The following ZNF608 variants were observed in gnomAD, a reference collection of about 807,000 sequenced individuals.
ZNF608 encodes the protein zinc finger protein 608.
ZNF608 carries 12 observed loss-of-function variants against 109.0 expected under a neutral mutation model. The ratio of observed to expected loss-of-function variants is 0.11; its 90% confidence interval spans 0.07 to 0.18. The LOEUF is 0.18. Ranked by LOEUF, ZNF608 falls within the 10% of genes least tolerant of loss-of-function variation. The pLI is 1.00. For missense variants in ZNF608, 1,707 were observed against 1,879.3 expected, an observed-to-expected ratio of 0.91 and a Z score of 1.70; for synonymous variants, 732 against 717.4, an observed-to-expected ratio of 1.02 and a Z score of -0.33.
intron 2 of ZNF608, among the ~76,000 whole-genome samples, chr5:124,720,086 A>G (rs568624304): frequency 1.3e-5 from 2 of 152,346 alleles, no homozygotes; most frequent in Non-Finnish European, 2.9e-5. Context: ...GGTGCTACTG[A>G]ATTCAACAAA....
chr5:124,744,113 T>C lies in ZNF608; in HGVS notation c.877A>G (p.Arg293Gly), dbSNP rs763563425. 6.2e-7 allele frequency: 1 copy of C among 1,602,160 alleles called. No homozygotes were observed. The highest frequency in any genetic ancestry group is 8.5e-7 in the Non-Finnish European group (1 of 1,174,260). Reference sequence around the variant, plus strand: ...TCAGTTTTCAGTTTCTTGATTCGCCTGTGGCTCTCCTCCTCCTCCTCTTCC... The same window carrying C: ...TCAGTTTTCAGTTTCTTGATTCGCCCGTGGCTCTCCTCCTCCTCCTCTTCC... ...KKEEEEEESH[R>G]RIKKLKTEKV... The change falls in exon 2 of 10, where the codon AGG (arginine) becomes GGG (glycine). Residue 293 changes from arginine (R) to glycine (G), a missense_variant. By Grantham distance (125) the Arg-to-Gly change is moderately radical. Transcript: ENST00000513986. The surrounding 1 kb of genome is among the most constrained non-coding windows in gnomAD (Gnocchi z 4.5).
chr5:124,700,887 G>C lies in ZNF608; in HGVS notation c.1162+127C>G, dbSNP rs1199381263. 5 of 1,275,430 alleles carry C rather than the reference G, an allele frequency of 3.9e-6. No individual in the cohort carries two copies. In the East Asian group the frequency reaches 7.3e-5, roughly 19 times the overall value. The allele number at this position is 1,275,430 out of a possible 1,614,324, so 79.0% of individuals were successfully genotyped here. The stretch of plus-strand genomic sequence containing the variant: ...CTCTTACTTCCAACACAAATCCAGA[G>C]AGCGGAAATAAAAAACACTTTCCAT... On this transcript the variant is annotated intron_variant, in intron 3 of 9. Coordinates refer to ENST00000513986, the MANE Select transcript of ZNF608 (RefSeq NM_020747.3).
At chr5:124,734,518 C>G (rs182165535) in intron 2 of ZNF608, 1 of 152,186 alleles carries the variant, frequency 6.6e-6, no homozygotes, top group African/African-American at 2.4e-5. Flanking sequence ...CACTGGCGTA[C>G]GGAGGGACTG....
intron 3 of ZNF608, among the ~76,000 whole-genome samples, chr5:124,657,910 G>A (rs1283528101): frequency 6.6e-6 from 1 of 152,108 alleles, no homozygotes; most frequent in African/African-American, 2.4e-5. Flanking sequence ...ATTTTGATCA[G>A]TAACAAAAAT....
intron 5 of ZNF608, among the ~76,000 whole-genome samples, chr5:124,645,511 G>A (rs569056815): frequency 2.3e-4 from 35 of 152,134 alleles, no homozygotes; most frequent in Middle Eastern, 3.4e-3. Context: ...TGTGGGTGGC[G>A]GTGGTGGGGG....
In ZNF608 at chr5:124,697,313, A is replaced by C. The variant is rs1002088153; in HGVS notation, c.1162+3701T>G. Among the ~76,000 whole-genome samples, 5 of 151,072 alleles carry C rather than the reference A, an allele frequency of 3.3e-5. No homozygotes were observed. The East Asian group carries it at 9.7e-4, about 29-fold the overall frequency. The stretch of plus-strand genomic sequence containing the variant: ...TAAAGGCTAAAAAGCCAAGTTCAGC[A>C]CATATGTATTTACACATATTGCTAT... On this transcript the variant is annotated intron_variant, in intron 3 of 9. Transcript: ENST00000513986.
intron 3 of ZNF608, among the ~76,000 whole-genome samples, chr5:124,668,740 G>T (rs112453317): frequency 6.6e-6 from 1 of 152,056 alleles, no homozygotes; most frequent in Non-Finnish European, 1.5e-5. Context: ...GGAGCCTTTC[G>T]GGAATTTTGC....
At chr5:124,645,819 T>C (rs902607293) in intron 5 of ZNF608, among the ~76,000 whole-genome samples, 1 of 151,992 alleles carries the variant, frequency 6.6e-6, no homozygotes, top group Non-Finnish European at 1.5e-5. Context: ...TTGGGGTACT[T>C]AATATAGGGA....
rs762179022 is a variant in ZNF608, at chr5:124,647,287, CCTT to C, written c.3094_3096del (p.Lys1032del). 15 of 1,614,106 alleles carry C rather than the reference CCTT, an allele frequency of 9.3e-6. No individual in the cohort carries two copies. The highest frequency in any genetic ancestry group is 1.1e-5 in the Non-Finnish European group (13 of 1,180,046). The stretch of plus-strand genomic sequence containing the variant: ...TTCTTTTCAGCATCTTCCTCAGACT[CCTT>C]CTTGATCTTCATTCCCTGCGTGCTC... On this transcript the variant is annotated inframe_deletion, in exon 5 of 10. Coordinates refer to ENST00000513986, the MANE Select transcript of ZNF608 (RefSeq NM_020747.3).
rs776015091 is a variant in ZNF608, at chr5:124,744,178, G to A, written c.812C>T (p.Pro271Leu). 2.5e-6 allele frequency: 4 copies of A among 1,613,582 alleles called. No homozygotes were observed. In the Admixed American group the frequency reaches 5.0e-5, roughly 20 times the overall value. Reference protein sequence around the residue: ...AAAGEVSKSAPDSGLMGNSML... With the variant: ...AAAGEVSKSALDSGLMGNSML... Reference sequence around the variant, plus strand: ...AGAGTTTCCCATGAGCCCTGAATCCGGGGCACTTTTGCTAACTTCCCCTGC... The same window carrying A: ...AGAGTTTCCCATGAGCCCTGAATCCAGGGCACTTTTGCTAACTTCCCCTGC... Residue 271 changes from proline (P) to leucine (L), a missense_variant, in exon 2 of 10, where the codon CCG becomes CTG. Physicochemically the swap from Pro to Leu is moderately conservative, Grantham distance 98. This residue lies in a region of ZNF608 where 407 missense variants were observed against 398.7 expected (regional missense o/e 1.02). Transcript: ENST00000513986. This position sits in a 1 kb window ranked among gnomAD's most constrained non-coding sequence, Gnocchi z 4.5.
chr5:124,712,583 A>G (rs1186105577), intron 2 of ZNF608, among the ~76,000 whole-genome samples: 1 of 152,154 alleles, frequency 6.6e-6, no homozygotes, highest in African/African-American at 2.4e-5. Flanking sequence ...TGACTAATCT[A>G]TGGAGTGGGG....
At position 124,744,212 on chromosome 5, in the gene ZNF608, C is replaced by G; in HGVS notation, c.778G>C (p.Val260Leu). The G allele has an allele frequency of 6.2e-7, 1 of 1,613,848 alleles. No homozygotes were observed. The highest frequency in any genetic ancestry group is 8.5e-7 in the Non-Finnish European group (1 of 1,180,000). The change falls in exon 2 of 10, where the codon GTC (valine) becomes CTC (leucine). Residue 260 changes from valine to leucine, a missense_variant. By Grantham distance (32) the Val-to-Leu change is conservative. Around this residue, in one of 7 missense-constraint regions of ZNF608, gnomAD observed 407 missense variants for 398.7 expected, o/e 1.02. Transcript: ENST00000513986. This position sits in a 1 kb window ranked among gnomAD's most constrained non-coding sequence, Gnocchi z 4.5. ...TTGCTAACTTCCCCTGCAGCGGCGA[C>G]GCTGCCACTCCCAGTGCCCCCGCAG... Reference protein sequence around the residue: ...FHCGGTGSGSVAAAGEVSKSA... With the variant: ...FHCGGTGSGSLAAAGEVSKSA...
intron 3 of ZNF608, among the ~76,000 whole-genome samples, chr5:124,671,857 C>T (rs552132448): frequency 1.3e-3 from 192 of 151,964 alleles, no homozygotes; most frequent in Non-Finnish European, 1.9e-3. Flanking sequence ...AGGCTGGTAT[C>T]GAACTCCTGG....
intron 2 of ZNF608, among the ~76,000 whole-genome samples, chr5:124,731,429 T>A (rs1279499818): frequency 6.6e-6 from 1 of 150,386 alleles, no homozygotes; most frequent in South Asian, 2.2e-4. Flanking sequence ...GTCAGGCTGG[T>A]CTCGAACTCC....
At chr5:124,687,919 G>A (rs1752467627) in intron 3 of ZNF608, among the ~76,000 whole-genome samples, 1 of 152,116 alleles carries the variant, frequency 6.6e-6, no homozygotes, top group Non-Finnish European at 1.5e-5. Flanking sequence ...CAGGGGGCAG[G>A]ACAGCACTTG....
intron 2 of ZNF608, among the ~76,000 whole-genome samples, chr5:124,721,755 G>C (rs1289674241): frequency 1.3e-5 from 2 of 151,490 alleles, no homozygotes; most frequent in Non-Finnish European, 2.9e-5. Context: ...GGCCAACATG[G>C]TGAAACCCCA....
At chr5:124,642,910 T>C (rs1442918322) in intron 7 of ZNF608, among the ~76,000 whole-genome samples, 1 of 152,012 alleles carries the variant, frequency 6.6e-6, no homozygotes, top group African/African-American at 2.4e-5. Flanking sequence ...TTGGCCAGGC[T>C]GGTCTCGAAT....
chr5:124,719,773 C>T (rs543010131), intron 2 of ZNF608, among the ~76,000 whole-genome samples: 1 of 152,298 alleles, frequency 6.6e-6, no homozygotes, highest in South Asian at 2.1e-4. Context: ...TTCTCTCTTC[C>T]TTTTCCTGGA....
intron 2 of ZNF608, among the ~76,000 whole-genome samples, chr5:124,718,935 C>T (rs1005447849): frequency 2.0e-5 from 3 of 152,130 alleles, no homozygotes; most frequent in African/African-American, 7.2e-5. Context: ...CTGGCTTTTT[C>T]TCTACCCTCA....
Sources: allele counts gnomAD v4.1 joint callset (sites outside exome capture counted in the v4.1 genomes callset), GRCh38; gene constraint gnomAD v4.1.1; regional missense constraint gnomAD v4.1.1; non-coding constraint Gnocchi (gnomAD v3.1); transcripts MANE v1.5; gene names NCBI Gene and HGNC (gene_info 2026-07-23, HGNC 2026-07-21).